Variants in CEP131 observed in about 807,000 individuals in gnomAD.
CEP131 encodes the protein centrosomal protein of 131 kDa.
Under a neutral mutation model 136.8 loss-of-function variants are expected in CEP131, and 99 were observed. The observed-to-expected ratio is 0.72, with a 90% CI of 0.62 to 0.86. The LOEUF (loss-of-function observed/expected upper bound fraction) is 0.86. Ranked by LOEUF, CEP131 falls within the 40% of genes least tolerant of loss-of-function variation. CEP131 has a pLI of 0.00. For synonymous variants in CEP131, 646 were observed against 612.7 expected (o/e 1.05, Z -0.80); for missense variants, 1,459 against 1,463.0 (o/e 1.00, Z 0.04).
At chr17:81,221,590 T>C (rs1401897602) in intron 1 of CEP131, among the ~76,000 whole-genome samples, 1 of 152,188 alleles carries the variant, frequency 6.6e-6, no homozygotes, top group African/African-American at 2.4e-5. Flanking sequence ...TCAGCCAGCT[T>C]GGCCCCGGCC....
intron 17 of CEP131, 72 bp downstream of exon 17, chr17:81,194,798 G>T (rs2061718223): frequency 2.4e-6 from 3 of 1,229,032 alleles, no homozygotes; most frequent in Non-Finnish European, 3.6e-6. Flanking sequence ...TGAAGTTATG[G>T]CTCTCTCAAA....
Position 81,196,683 on chromosome 17 carries a change from G to C in CEP131, c.1899+18C>G, listed in dbSNP as rs527771707. ...CCACGCGCTGGGTCCGGGCCTCTGC[G>C]CTCCCCGGGCCGCTCACCTGGTCAA... On this transcript the variant is annotated intron_variant, in intron 15 of 25. Coordinates refer to ENST00000450824, the MANE Select transcript of CEP131 (RefSeq NM_014984.4). 6.3e-7 allele frequency: 1 copy of C among 1,597,148 alleles called. No homozygotes were observed. Among genetic ancestry groups the C allele is most frequent in the South Asian group, 1.1e-5 (1 of 89,168 alleles).
rs780107083 is a variant in CEP131 at position 81,198,974 on chromosome 17, G to A, written c.1193-3C>T. The A allele has an allele frequency of 1.9e-6, 3 of 1,554,758 alleles. No individual in the cohort carries two copies. Among genetic ancestry groups the A allele is most frequent in the Non-Finnish European group, 2.6e-6 (3 of 1,153,136 alleles). ...GCCTGCAGCAGGGAGGCCACCACCT[G>A]CACAGCAGAACACAGCACCATTCCA... On this transcript the variant is annotated splice_polypyrimidine_tract_variant and splice_region_variant and intron_variant, in intron 10 of 25. Transcript: ENST00000450824.
intron 5 of CEP131, among the ~76,000 whole-genome samples, chr17:81,206,488 T>G (rs905124169): frequency 6.6e-6 from 1 of 151,066 alleles, no homozygotes; most frequent in Non-Finnish European, 1.5e-5. Context: ...CCCCACCCTC[T>G]CAGCCCCATG....
intron 18 of CEP131, 28 bp from the exon 19 acceptor site, chr17:81,192,871 G>C: frequency 3.1e-6 from 5 of 1,588,756 alleles, no homozygotes; most frequent in Non-Finnish European, 4.3e-6. Flanking sequence ...CTGGCTCTCG[G>C]GGGCCGGGAC....
rs199513207 is a variant in CEP131 at position 81,192,629 on chromosome 17, T to A, written c.2430-36A>T. 2.0e-4 allele frequency: 303 copies of A among 1,530,836 alleles called. 1 individual carries two copies. The African/African-American group carries it at 3.3e-3, about 16-fold the overall frequency. 94.8% of individuals were successfully genotyped at this position (1,530,836 alleles called of 1,614,324 possible). The stretch of plus-strand genomic sequence containing the variant: ...GGAGGAGTCAGCAGGTGAGGGGTCA[T>A]CGAGTAAGGAGTCAGGGATGGGAGA... On this transcript the variant is annotated intron_variant, in intron 19 of 25. Transcript: ENST00000450824.
At chr17:81,213,972 G>A (rs2062189184) in intron 2 of CEP131, among the ~76,000 whole-genome samples, 1 of 152,198 alleles carries the variant, frequency 6.6e-6, no homozygotes, top group Admixed American at 6.5e-5. Context: ...CCCAAAACTC[G>A]AAGGTCATCA....
chr17:81,208,370 G>A lies in CEP131; in HGVS notation c.272+558C>T, dbSNP rs539425498. On this transcript the variant is annotated intron_variant, in intron 3 of 25. Coordinates refer to ENST00000450824, the MANE Select transcript of CEP131 (RefSeq NM_014984.4). The surrounding 1 kb of genome is among the most constrained non-coding windows in gnomAD (Gnocchi z 5.6). ...CGGGGACAATGCCTGGTGGGAGGTG[G>A]TGTCAGGACCTCGCCCACCACTCTG... 1.3e-5 allele frequency among the ~76,000 whole-genome samples: 2 copies of A among 152,262 alleles called. No individual in the cohort carries two copies. The highest frequency in any genetic ancestry group is 4.1e-4 in the South Asian group (2 of 4,826).
chr17:81,214,503 G>C (rs9892874), intron 2 of CEP131, among the ~76,000 whole-genome samples: 82,309 of 151,816 alleles, frequency 0.54, 24,047 homozygotes, highest in African/African-American at 0.76. Flanking sequence ...TTGCGGTGAG[G>C]TGAAATCACA....
At position 81,208,628 on chromosome 17, in the gene CEP131, A is replaced by AGG; in HGVS notation, c.272+298_272+299dup. Among the ~76,000 whole-genome samples, 1 of 152,338 alleles carries AGG rather than the reference A, an allele frequency of 6.6e-6. No homozygotes were observed. The highest frequency in any genetic ancestry group is 1.5e-5 in the Non-Finnish European group (1 of 68,030). ...TGACAGCTTTTGACATTCAGAGGGC[A>AGG]GGTGGAAAGGGCTTCAGCGGAGCCC... is the stretch of plus-strand genomic sequence containing the variant. On this transcript the variant is annotated intron_variant, in intron 3 of 25. Transcript: ENST00000450824. This position sits in a 1 kb window ranked among gnomAD's most constrained non-coding sequence, Gnocchi z 5.6.
rs117589634 is a variant in CEP131 at position 81,203,353 on chromosome 17, C to A, written c.629+141G>T. On this transcript the variant is annotated intron_variant, in intron 6 of 25. Transcript: ENST00000450824. The surrounding 1 kb of genome is among the most constrained non-coding windows in gnomAD (Gnocchi z 4.6). ...TGACCGAGGTTGGACCCCATGCACACTGACCGCATGCCCTGACCAAGGTAG... is the reference window on the plus strand; with the variant it reads ...TGACCGAGGTTGGACCCCATGCACAATGACCGCATGCCCTGACCAAGGTAG... 18,438 of 666,114 alleles carry A rather than the reference C, an allele frequency of 0.028. 505 individuals carry two copies. Among genetic ancestry groups the A allele is most frequent in the Admixed American group, 0.11 (4,362 of 38,990 alleles). 41.3% of individuals were successfully genotyped at this position (666,114 alleles called of 1,614,324 possible).
Position 81,219,404 on chromosome 17 carries a change from C to G in CEP131, c.177+476G>C, listed in dbSNP as rs1237555908. ...TGCCTCCTGGGTTCGAGCAAATCTC[C>G]TGCCTCAGCCTCCCGAGTAGCTAGG... is the stretch of plus-strand genomic sequence containing the variant. On this transcript the variant is annotated intron_variant, in intron 2 of 25. Coordinates refer to ENST00000450824, the MANE Select transcript of CEP131 (RefSeq NM_014984.4). This position sits in a 1 kb window ranked among gnomAD's most constrained non-coding sequence, Gnocchi z 4.0. 6.6e-6 allele frequency among the ~76,000 whole-genome samples: 1 copy of G among 151,998 alleles called. No homozygotes were observed. Among genetic ancestry groups the G allele is most frequent in the Admixed American group, 6.6e-5 (1 of 15,266 alleles).
intron 2 of CEP131, among the ~76,000 whole-genome samples, chr17:81,217,489 G>T (rs925241020): frequency 6.6e-6 from 1 of 152,034 alleles, no homozygotes; most frequent in Non-Finnish European, 1.5e-5. Context: ...TGCTCTCCAG[G>T]AATCCCGATG....
intron 2 of CEP131, among the ~76,000 whole-genome samples, chr17:81,214,687 G>C (rs1430413528): frequency 6.6e-6 from 1 of 152,230 alleles, no homozygotes; most frequent in East Asian, 1.9e-4. Context: ...ACCAGAGCAC[G>C]AGGGAGCAGG....
chr17:81,203,601 G>C lies in CEP131; in HGVS notation c.522C>G (p.Asn174Lys). 5 of 1,593,402 alleles carry C rather than the reference G, an allele frequency of 3.1e-6. No individual in the cohort carries two copies. Among genetic ancestry groups the C allele is most frequent in the Non-Finnish European group, 4.3e-6 (5 of 1,170,616 alleles). The change falls in exon 6 of 26, where the codon AAC becomes AAG. Residue 174 changes from asparagine to lysine, a missense_variant. By Grantham distance (94) the Asn-to-Lys change is moderately conservative (BLOSUM62 0). Transcript: ENST00000450824. The surrounding 1 kb of genome is among the most constrained non-coding windows in gnomAD (Gnocchi z 4.6). ...TGACGCAGTTGCCCACTGCTCCCTT[G>C]TTGCTCCTGCCAGGCCGGAAGAGAG... ...APNFTANNRS[N>K]KGAVGNCVTT...
chr17:81,200,473 A>C (rs893023698), intron 7 of CEP131, 27 bp from the exon 8 acceptor site: 3 of 1,505,748 alleles, frequency 2.0e-6, no homozygotes, highest in Admixed American at 2.0e-5. Context: ...ACTCAGGGCC[A>C]AGACAGGACC....
At chr17:81,192,685 G>GGGGGGGGGGGGGGGCCCCCC in intron 19 of CEP131, 51 bp downstream of exon 19, 4 of 478,406 alleles carry the variant, frequency 8.4e-6, no homozygotes, top group Non-Finnish European at 1.6e-5. Flanking sequence ...GGGGGGAGGG[G>GGGGGGGGGGGGGGGCCCCCC]TCAGCCAGCG....
chr17:81,211,015 C>T (rs1264648901), intron 2 of CEP131, among the ~76,000 whole-genome samples: 1 of 152,176 alleles, frequency 6.6e-6, no homozygotes, highest in East Asian at 1.9e-4. Flanking sequence ...ACAGAGGCCA[C>T]TGTGAGGTCT....
chr17:81,219,731 T>C lies in CEP131; in HGVS notation c.177+149A>G. On this transcript the variant is annotated intron_variant, in intron 2 of 25. Transcript: ENST00000450824. The surrounding 1 kb of genome is among the most constrained non-coding windows in gnomAD (Gnocchi z 4.0). The stretch of plus-strand genomic sequence containing the variant: ...ACCCACGCCTGTAAGACTCAAGTCC[T>C]ACCTGCCTCCTGGAACAGCCACGAG... The C allele has an allele frequency of 1.2e-6, 1 of 818,316 alleles. No homozygotes were observed. Among genetic ancestry groups the C allele is most frequent in the Non-Finnish European group, 1.8e-6 (1 of 559,058 alleles). The allele number at this position is 818,316 out of a possible 1,614,324, so 50.7% of individuals were successfully genotyped here.
Sources: allele counts gnomAD v4.1 joint callset (sites outside exome capture counted in the v4.1 genomes callset), GRCh38; gene constraint gnomAD v4.1.1; non-coding constraint Gnocchi (gnomAD v3.1); transcripts MANE v1.5; gene names NCBI Gene and HGNC (gene_info 2026-07-23, HGNC 2026-07-21).